Variants in MRPL50 observed in about 807,000 individuals in gnomAD.
MRPL50 encodes large ribosomal subunit protein mL50.
MRPL50 carries 10 observed loss-of-function variants against 16.2 expected under a neutral mutation model. That is an observed-to-expected ratio of 0.62 (90% CI 0.38 to 1.05). The LOEUF is 1.05. Among genes scored for constraint, MRPL50 ranks in the 50% least tolerant of loss-of-function variants. The pLI is 0.01. For synonymous variants in MRPL50, 68 were observed against 66.8 expected (o/e 1.02, Z -0.09); for missense variants, 213 against 187.1 (o/e 1.14, Z -0.81).
rs780610567 is a variant in MRPL50, at chr9:101,398,582, C to A, written c.11G>T (p.Arg4Leu). 1.2e-6 allele frequency: 2 copies of A among 1,613,644 alleles called. No homozygotes were observed. Among genetic ancestry groups the A allele is most frequent in the Non-Finnish European group, 1.7e-6 (2 of 1,180,044 alleles). MAA[R>L]SVSGITRRVF... Reference sequence around the variant, plus strand: ...TCTTCTGGTAATGCCCGACACAGATCGCGCCGCCATCTTCGATGAGATCCA... The same window carrying A: ...TCTTCTGGTAATGCCCGACACAGATAGCGCCGCCATCTTCGATGAGATCCA... The change falls in exon 1 of 2, where the codon CGA becomes CTA. Residue 4 changes from arginine (R) to leucine (L), a missense_variant. Coordinates refer to ENST00000374865, the MANE Select transcript of MRPL50 (RefSeq NM_019051.3).
chr9:101,390,311 G>T lies in MRPL50; in HGVS notation c.*155C>A. The T allele has an allele frequency of 7.5e-7, 1 of 1,337,822 alleles. No homozygotes were observed. The allele number at this position is 1,337,822 out of a possible 1,614,324, so 82.9% of individuals were successfully genotyped here. A position where few individuals can be genotyped will look rare whatever the true frequency, so the allele number is the denominator to read the frequency against. ...TCCGTTATTTGTCCATTTGTAATAT[G>T]AGAAAAAAAAAGATGATACATTCCT... On this transcript the variant is annotated 3_prime_UTR_variant, in exon 2 of 2. Transcript: ENST00000374865.
Position 101,389,619 on chromosome 9 carries a change from GA to G in MRPL50, c.*846del, listed in dbSNP as rs201264838. 8.3e-4 allele frequency: 386 copies of G among 464,700 alleles called. 1 individual carries two copies. Among genetic ancestry groups the G allele is most frequent in the South Asian group, 7.5e-3 (280 of 37,578 alleles). The allele number at this position is 464,700 out of a possible 1,614,324, so 28.8% of individuals were successfully genotyped here. A position where few individuals can be genotyped will look rare whatever the true frequency, so the allele number is the denominator to read the frequency against. ...TACTCTCCAGCCATATCTAAAGCTT[GA>G]AAAAAAAATCCCAAATTTAACACCT... On this transcript the variant is annotated 3_prime_UTR_variant, in exon 2 of 2. Coordinates refer to ENST00000374865, the MANE Select transcript of MRPL50 (RefSeq NM_019051.3).
chr9:101,390,633 A>C lies in MRPL50; in HGVS notation c.310T>G (p.Leu104Val). The C allele has an allele frequency of 6.2e-7, 1 of 1,613,548 alleles. No individual in the cohort carries two copies. Among genetic ancestry groups the C allele is most frequent in the Non-Finnish European group, 8.5e-7 (1 of 1,179,576 alleles). ...SRLKFNLLAH[L>V]ADDLGHVVPN... ...ACTACATGACCCAAGTCATCAGCTA[A>C]ATGAGCCAGAAGATTGAACTTTAGA... is the stretch of plus-strand genomic sequence containing the variant. The change falls in exon 2 of 2, where the codon TTA becomes GTA. Residue 104 changes from leucine to valine, a missense_variant. Leu to Val is a conservative substitution (Grantham distance 32). Transcript: ENST00000374865.
Position 101,390,452 on chromosome 9 carries a change from C to A in MRPL50, c.*14G>T. On this transcript the variant is annotated 3_prime_UTR_variant, in exon 2 of 2. Coordinates refer to ENST00000374865, the MANE Select transcript of MRPL50 (RefSeq NM_019051.3). ...GAAAGACAGTGATTTCAATGTGTTTCTCTTCCGAATTGCTTAGTAACTCCA... is the reference window on the plus strand; with the variant it reads ...GAAAGACAGTGATTTCAATGTGTTTATCTTCCGAATTGCTTAGTAACTCCA... 1.3e-6 allele frequency: 2 copies of A among 1,598,570 alleles called. No homozygotes were observed. The highest frequency in any genetic ancestry group is 1.7e-6 in the Non-Finnish European group (2 of 1,171,942).
intron 1 of MRPL50, among the ~76,000 whole-genome samples, chr9:101,394,203 A>G (rs984060136): frequency 2.0e-5 from 3 of 152,182 alleles, no homozygotes; most frequent in Admixed American, 2.0e-4. Context: ...AGGACTAACA[A>G]ATTAGCTACA....
chr9:101,398,147 A>G (rs1258347275), intron 1 of MRPL50, among the ~76,000 whole-genome samples: 2 of 152,234 alleles, frequency 1.3e-5, no homozygotes, highest in African/African-American at 4.8e-5. Context: ...GTGAAGAAAC[A>G]CAGCCGGCAA....
At chr9:101,394,070 C>G (rs906709525) in intron 1 of MRPL50, among the ~76,000 whole-genome samples, 1 of 151,222 alleles carries the variant, frequency 6.6e-6, no homozygotes, top group African/African-American at 2.4e-5. Context: ...TTGTTCATTC[C>G]TGGGCATAGG....
chr9:101,388,127 T>C lies in MRPL50; in HGVS notation c.*2339A>G, dbSNP rs1235016837. On this transcript the variant is annotated 3_prime_UTR_variant, in exon 2 of 2. Coordinates refer to ENST00000374865, the MANE Select transcript of MRPL50 (RefSeq NM_019051.3). ...CAAAACATAATCAGCTTTTGAAGCA[T>C]GCAGAAGCTCAGGACCTACTCCAGA... 6.6e-6 allele frequency: 1 copy of C among 152,128 alleles called. No homozygotes were observed. Among genetic ancestry groups the C allele is most frequent in the African/African-American group, 2.4e-5 (1 of 41,432 alleles). The allele number at this position is 152,128 out of a possible 1,614,324, so 9.4% of individuals were successfully genotyped here.
intron 1 of MRPL50, among the ~76,000 whole-genome samples, chr9:101,395,634 G>A (rs1830329038): frequency 6.6e-6 from 1 of 151,910 alleles, no homozygotes; most frequent in South Asian, 2.1e-4. Flanking sequence ...TGAAACTGGA[G>A]GACACTCTTT....
intron 1 of MRPL50, among the ~76,000 whole-genome samples, chr9:101,391,261 A>C (rs913088003): frequency 6.6e-6 from 1 of 152,110 alleles, no homozygotes; most frequent in African/African-American, 2.4e-5. Context: ...GGCTCAAGTC[A>C]TATCTTAAAA....
chr9:101,390,479 G>A lies in MRPL50; in HGVS notation c.464C>T (p.Thr155Ile). 1 of 1,611,202 alleles carries A rather than the reference G, an allele frequency of 6.2e-7. No homozygotes were observed. Among genetic ancestry groups the A allele is most frequent in the Non-Finnish European group, 8.5e-7 (1 of 1,178,350 alleles). Residue 155 changes from threonine to isoleucine, a missense_variant, in exon 2 of 2, where the codon ACT (threonine) becomes ATT (isoleucine). By Grantham distance (89) the Thr-to-Ile change is moderately conservative. Transcript: ENST00000374865. The part of the protein sequence containing the change: ...ASNLPPNLKI[T>I]WSY ...CTTCCGAATTGCTTAGTAACTCCAA[G>A]TGATTTTCAAATTGGGGGGCAGATT...
rs761979447 is a variant in MRPL50 at position 101,398,561 on chromosome 9, C to G, written c.32G>C (p.Arg11Thr). ...TGAGACTGTCCACATGAAGACTCTT[C>G]TGGTAATGCCCGACACAGATCGCGC... is the stretch of plus-strand genomic sequence containing the variant. MAARSVSGITRRVFMWTVSGT... is the reference protein window; with the variant it reads MAARSVSGITTRVFMWTVSGT... The change falls in exon 1 of 2, where the codon AGA becomes ACA. Residue 11 changes from arginine (R) to threonine (T), a missense_variant. Coordinates refer to ENST00000374865, the MANE Select transcript of MRPL50 (RefSeq NM_019051.3). 1.2e-6 allele frequency: 2 copies of G among 1,614,064 alleles called. No homozygotes were observed. Among genetic ancestry groups the G allele is most frequent in the South Asian group, 1.1e-5 (1 of 91,080 alleles).
At position 101,390,289 on chromosome 9, in the gene MRPL50, G is replaced by A. The variant is rs567439629; in HGVS notation, c.*177C>T. On this transcript the variant is annotated 3_prime_UTR_variant, in exon 2 of 2. Coordinates refer to ENST00000374865, the MANE Select transcript of MRPL50 (RefSeq NM_019051.3). ...CAGCAAATATGAAAATAGAAAGTCC[G>A]TTATTTGTCCATTTGTAATATGAGA... 34 of 1,302,296 alleles carry A rather than the reference G, an allele frequency of 2.6e-5. No homozygotes were observed. In the Admixed American group the frequency reaches 2.9e-4, roughly 11 times the overall value. 80.7% of individuals were successfully genotyped at this position (1,302,296 alleles called of 1,614,324 possible).
intron 1 of MRPL50, among the ~76,000 whole-genome samples, chr9:101,393,565 A>C (rs1052646936): frequency 1.1e-4 from 17 of 152,180 alleles, no homozygotes; most frequent in African/African-American, 4.1e-4. Context: ...CACCAAAAAA[A>C]CTCTTAGAAA....
Position 101,390,066 on chromosome 9 carries a change from A to T in MRPL50, c.*400T>A. ...TTTCTTTTATAGGTATCTATCTAAT[A>T]AAAGTTTATTTGTGTATGTGCAATG... On this transcript the variant is annotated 3_prime_UTR_variant, in exon 2 of 2. Coordinates refer to ENST00000374865, the MANE Select transcript of MRPL50 (RefSeq NM_019051.3). The T allele has an allele frequency of 1.0e-6, 1 of 975,084 alleles. No homozygotes were observed. Among genetic ancestry groups the T allele is most frequent in the African/African-American group, 1.8e-5 (1 of 56,984 alleles). The allele number at this position is 975,084 out of a possible 1,614,324, so 60.4% of individuals were successfully genotyped here.
chr9:101,396,684 C>CAA (rs1830344832), intron 1 of MRPL50, among the ~76,000 whole-genome samples: 1 of 152,182 alleles, frequency 6.6e-6, no homozygotes, highest in African/African-American at 2.4e-5. Flanking sequence ...TGGCTCACGC[C>CAA]TGTAATCCCA....
At position 101,390,562 on chromosome 9, in the gene MRPL50, A is replaced by C; in HGVS notation, c.381T>G (p.Leu127=). 6.2e-7 allele frequency: 1 copy of C among 1,613,440 alleles called. No homozygotes were observed. The highest frequency in any genetic ancestry group is 1.1e-5 in the South Asian group (1 of 91,056). ...CTTGAATAGGGACATTATAGAAATC[A>C]AGAACATCTCTAACCCTGCACATCT... ...LHQMCRVRDV[L]DFYNVPIQDR... Residue 127 remains leucine, a synonymous_variant, in exon 2 of 2, where the codon CTT becomes CTG. Coordinates refer to ENST00000374865, the MANE Select transcript of MRPL50 (RefSeq NM_019051.3).
At chr9:101,393,202 C>G (rs966920939) in intron 1 of MRPL50, among the ~76,000 whole-genome samples, 3 of 151,942 alleles carry the variant, frequency 2.0e-5, no homozygotes, top group African/African-American at 7.3e-5. Context: ...AAGGAACATA[C>G]CTCAACATAA....
In MRPL50 at chr9:101,390,795, G is replaced by A. The variant is rs149098660; in HGVS notation, c.148C>T (p.Leu50=). Residue 50 remains leucine, a synonymous_variant, in exon 2 of 2, where the codon CTA becomes TTA. Coordinates refer to ENST00000374865, the MANE Select transcript of MRPL50 (RefSeq NM_019051.3). ...CGGCTTCGTAAAGGTGGACACACTA[G>A]GATAGGTTCCTTTTTCTCTTCTACT... ...ETVEEKKEPI[L]VCPPLRSRAY... 6.4e-5 allele frequency: 103 copies of A among 1,611,822 alleles called. No homozygotes were observed. The highest frequency in any genetic ancestry group is 3.0e-5 in the Non-Finnish European group (35 of 1,179,188).
Sources: gnomAD v4.1 joint callset for allele counts (sites outside exome capture counted in the v4.1 genomes callset) on GRCh38, gnomAD v4.1.1 for gene constraint, MANE v1.5 for transcripts, NCBI Gene and HGNC (gene_info 2026-07-23, HGNC 2026-07-21) for gene names.